Variants in AFF3 observed in about 807,000 individuals in gnomAD.
AFF3 encodes the protein AF4/FMR2 family member 3.
AFF3 carries 32 observed loss-of-function variants against 129.7 expected under a neutral mutation model. That is an observed-to-expected ratio of 0.25 (90% CI 0.19 to 0.33). AFF3 has a LOEUF of 0.33. Among genes scored for constraint, AFF3 ranks in the 10% least tolerant of loss-of-function variants. AFF3 has a pLI of 1.00. For missense variants in AFF3, 1,373 were observed against 1,592.0 expected, an observed-to-expected ratio of 0.86 and a Z score of 2.34; for synonymous variants, 644 against 635.4, an observed-to-expected ratio of 1.01 and a Z score of -0.20.
At chr2:99,657,828 T>C (rs905942660) in intron 12 of AFF3, among the ~76,000 whole-genome samples, 6 of 152,208 alleles carry the variant, frequency 3.9e-5, no homozygotes, top group Admixed American at 1.3e-4. Context: ...CAGATGAAGT[T>C]TGCACAGGCA....
intron 4 of AFF3, among the ~76,000 whole-genome samples, chr2:100,064,269 A>G (rs1687541700): frequency 6.6e-6 from 1 of 152,164 alleles, no homozygotes; most frequent in Non-Finnish European, 1.5e-5. Context: ...ATTTCTTACT[A>G]TCACCTACCC....
chr2:100,059,571 T>C (rs1440490441), intron 4 of AFF3, among the ~76,000 whole-genome samples: 1 of 152,222 alleles, frequency 6.6e-6, no homozygotes, highest in Non-Finnish European at 1.5e-5. Context: ...GTAAATATAC[T>C]AAAGCCATTG....
intron 7 of AFF3, among the ~76,000 whole-genome samples, chr2:99,905,121 A>AC (rs140520903): frequency 0.013 from 1,928 of 152,258 alleles, 45 homozygotes; most frequent in African/African-American, 0.044. Context: ...CAGCCCAGAA[A>AC]CATGCTACCC....
chr2:99,951,417 C>T (rs1676152083), intron 7 of AFF3, among the ~76,000 whole-genome samples: 1 of 152,166 alleles, frequency 6.6e-6, no homozygotes, highest in South Asian at 2.1e-4. Context: ...TCCAACATCA[C>T]TTTCACTGAC....
At chr2:99,862,696 C>A (rs902436524) in intron 7 of AFF3, among the ~76,000 whole-genome samples, 2 of 152,236 alleles carry the variant, frequency 1.3e-5, no homozygotes, top group Non-Finnish European at 2.9e-5. Flanking sequence ...ATAAAAGGGA[C>A]CTTTGAAACT....
intron 7 of AFF3, among the ~76,000 whole-genome samples, chr2:99,912,975 G>A (rs553996483): frequency 3.9e-5 from 6 of 152,138 alleles, no homozygotes; most frequent in South Asian, 2.1e-4. Flanking sequence ...CTCCATCTGC[G>A]CCCCAACACA....
At chr2:99,974,213 T>C (rs892919193) in intron 7 of AFF3, among the ~76,000 whole-genome samples, 2 of 152,246 alleles carry the variant, frequency 1.3e-5, no homozygotes, top group Non-Finnish European at 2.9e-5. Flanking sequence ...TAATTTTTTT[T>C]AATTAAGTGA....
At chr2:99,625,843 G>C (rs1682488196) in intron 13 of AFF3, among the ~76,000 whole-genome samples, 1 of 152,202 alleles carries the variant, frequency 6.6e-6, no homozygotes, top group Non-Finnish European at 1.5e-5. Context: ...TAGAGCTTTT[G>C]AATTAGTTGA....
chr2:99,637,801 C>A (rs914238964), intron 13 of AFF3, among the ~76,000 whole-genome samples: 1 of 152,054 alleles, frequency 6.6e-6, no homozygotes, highest in Non-Finnish European at 1.5e-5. Context: ...AGACGTCATG[C>A]GTATTGGATA....
At chr2:100,085,103 A>G (rs1200160846) in intron 4 of AFF3, among the ~76,000 whole-genome samples, 3 of 151,068 alleles carry the variant, frequency 2.0e-5, no homozygotes, top group Non-Finnish European at 4.4e-5. Flanking sequence ...TGATAAACTA[A>G]AGAAAAATAT....
At chr2:100,059,104 T>C (rs1687029631) in intron 4 of AFF3, among the ~76,000 whole-genome samples, 1 of 151,402 alleles carries the variant, frequency 6.6e-6, no homozygotes, top group African/African-American at 2.4e-5. Context: ...AATACAAAAA[T>C]TAGCCAGGCT....
intron 4 of AFF3, among the ~76,000 whole-genome samples, chr2:100,013,952 A>G (rs1319938222): frequency 3.9e-5 from 6 of 151,990 alleles, no homozygotes; most frequent in African/African-American, 9.7e-5. Flanking sequence ...GCCTGCTCCA[A>G]TCTCTCCCTA....
At chr2:99,944,289 T>C (rs758025671) in intron 7 of AFF3, among the ~76,000 whole-genome samples, 3 of 152,238 alleles carry the variant, frequency 2.0e-5, no homozygotes, top group Non-Finnish European at 4.4e-5. Flanking sequence ...TAAGCTCTGT[T>C]TAATGTCAGA....
chr2:100,036,982 A>G (rs1247488989), intron 4 of AFF3, among the ~76,000 whole-genome samples: 3 of 152,202 alleles, frequency 2.0e-5, no homozygotes, highest in Non-Finnish European at 4.4e-5. Flanking sequence ...GCTCCTGGTG[A>G]CAGCCAAACA....
At chr2:99,968,683 G>A (rs1052820677) in intron 7 of AFF3, among the ~76,000 whole-genome samples, 2 of 143,688 alleles carry the variant, frequency 1.4e-5, no homozygotes, top group Non-Finnish European at 3.0e-5. Context: ...CAACATAGAC[G>A]AGAAACGAGA....
chr2:99,974,302 A>T (rs1678670816), intron 7 of AFF3, among the ~76,000 whole-genome samples: 1 of 152,188 alleles, frequency 6.6e-6, no homozygotes, highest in African/African-American at 2.4e-5. Flanking sequence ...AACCTCAGCA[A>T]GAGGAGGCTT....
chr2:99,693,814 C>G (rs1013165531), intron 11 of AFF3, among the ~76,000 whole-genome samples: 2 of 152,140 alleles, frequency 1.3e-5, no homozygotes, highest in Admixed American at 1.3e-4. Context: ...GAAAAACACC[C>G]CAAACACTTC....
intron 4 of AFF3, among the ~76,000 whole-genome samples, chr2:100,095,969 G>A (rs1324746501): frequency 1.4e-4 from 21 of 152,218 alleles, no homozygotes; most frequent in African/African-American, 4.8e-4. Flanking sequence ...TGGGTTCCAC[G>A]TAGAGTCTTC....
At chr2:99,889,701 C>T (rs559347500) in intron 7 of AFF3, among the ~76,000 whole-genome samples, 1 of 152,322 alleles carries the variant, frequency 6.6e-6, no homozygotes, top group Non-Finnish European at 1.5e-5. Context: ...CTCTGTTGCC[C>T]AGGCTGGAGT....
Sources: allele counts gnomAD v4.1 joint callset (sites outside exome capture counted in the v4.1 genomes callset), GRCh38; gene constraint gnomAD v4.1.1; transcripts MANE v1.5; gene names NCBI Gene and HGNC (gene_info 2026-07-23, HGNC 2026-07-21).